Variants in RARB observed in about 807,000 individuals in gnomAD.
RARB encodes retinoic acid receptor beta, also known as HBV-activated protein.
Under a neutral mutation model 51.9 loss-of-function variants are expected in RARB, and 17 were observed. That is an observed-to-expected ratio of 0.33 (90% CI 0.22 to 0.49). RARB has a LOEUF of 0.49. RARB is among the 20% of genes least tolerant of loss of function. The pLI is 0.99. For missense variants in RARB, 369 were observed against 550.8 expected (o/e 0.67, Z 3.30); for synonymous variants, 215 against 195.4 (o/e 1.10, Z -0.84).
chr3:25,217,416 T>C (rs1182305917), intron 5 of RARB, among the ~76,000 whole-genome samples: 3 of 152,152 alleles, frequency 2.0e-5, no homozygotes, highest in Admixed American at 2.0e-4. Context: ...GGTTACATTA[T>C]AGCCAATATT....
At chr3:25,511,057 G>A (rs1264888961) in intron 3 of RARB, among the ~76,000 whole-genome samples, 5 of 152,158 alleles carry the variant, frequency 3.3e-5, no homozygotes, top group African/African-American at 7.2e-5. Context: ...TCACAATTGA[G>A]CATGGCTTTG....
chr3:25,581,888 A>G lies in RARB; in HGVS notation c.786+1166A>G, dbSNP rs556826483. 4.3e-3 allele frequency among the ~76,000 whole-genome samples: 650 copies of G among 152,210 alleles called. 4 individuals are homozygous for G. Among genetic ancestry groups the G allele is most frequent in the Middle Eastern group, 0.01 (3 of 294 alleles). ...CCTCAGACTTCCAGCCTCTAGACCT[A>G]GGAGAAGCAAATGTTGTTGTTTAAG... On this transcript the variant is annotated intron_variant, in intron 5 of 7. Transcript: ENST00000330688.
intron 2 of RARB, among the ~76,000 whole-genome samples, chr3:24,951,808 T>G (rs980910304): frequency 6.6e-6 from 1 of 152,168 alleles, no homozygotes; most frequent in African/African-American, 2.4e-5. Context: ...CAAAAATATA[T>G]TCATGATAAA....
intron 5 of RARB, among the ~76,000 whole-genome samples, chr3:25,272,363 GC>G (rs1703275068): frequency 6.6e-6 from 1 of 152,120 alleles, no homozygotes; most frequent in Admixed American, 6.5e-5. Flanking sequence ...ACCATTGTCT[GC>G]CTGCCAAACA....
chr3:25,124,460 C>T (rs1699831998), intron 3 of RARB, among the ~76,000 whole-genome samples: 1 of 152,180 alleles, frequency 6.6e-6, no homozygotes, highest in Admixed American at 6.5e-5. Flanking sequence ...AAAAAGTACA[C>T]TTACCATGTT....
At chr3:24,849,230 G>A (rs1444092538) in intron 1 of RARB, among the ~76,000 whole-genome samples, 2 of 152,164 alleles carry the variant, frequency 1.3e-5, no homozygotes, top group Non-Finnish European at 2.9e-5. Context: ...TAAAGTAAAT[G>A]TAGTCTCTCT....
At chr3:25,166,635 C>T (rs187306099) in intron 4 of RARB, among the ~76,000 whole-genome samples, 2 of 152,284 alleles carry the variant, frequency 1.3e-5, no homozygotes, top group African/African-American at 2.4e-5. Flanking sequence ...GCCACATCAG[C>T]CACATTGTGA....
chr3:25,141,948 A>G (rs1700114025), intron 4 of RARB, among the ~76,000 whole-genome samples: 1 of 152,254 alleles, frequency 6.6e-6, no homozygotes, highest in South Asian at 2.1e-4. Flanking sequence ...AATACTCATG[A>G]CATCCATGTG....
chr3:25,099,571 A>T (rs1168218547), intron 3 of RARB, among the ~76,000 whole-genome samples: 1 of 150,606 alleles, frequency 6.6e-6, no homozygotes, highest in Admixed American at 6.7e-5. Context: ...TTGTTCCATT[A>T]CTGTCAATTT....
rs775468564 is a variant in RARB at position 25,336,392 on chromosome 3, G to T, written c.179-124801G>T. ...TACTTACTATTTTCTAATATTTTAGGTGCTTTTAGAGTTCAAGGCACTTGT... is the reference window on the plus strand; with the variant it reads ...TACTTACTATTTTCTAATATTTTAGTTGCTTTTAGAGTTCAAGGCACTTGT... On this transcript the variant is annotated intron_variant, in intron 5 of 11. Transcript: ENST00000383772. Among the ~76,000 whole-genome samples the T allele has an allele frequency of 1.1e-3, 161 of 152,072 alleles. 1 individual carries two copies. Among genetic ancestry groups the T allele is most frequent in the Non-Finnish European group, 1.9e-3 (129 of 67,966 alleles).
At chr3:25,249,826 T>A (rs182545127) in intron 5 of RARB, among the ~76,000 whole-genome samples, 2 of 61,636 alleles carry the variant, frequency 3.2e-5, no homozygotes, top group East Asian at 3.6e-4. Flanking sequence ...GGTAAGTCAG[T>A]CCTGGGGCCC....
intron 5 of RARB, among the ~76,000 whole-genome samples, chr3:25,273,762 T>C (rs1703308991): frequency 6.6e-6 from 1 of 152,242 alleles, no homozygotes; most frequent in African/African-American, 2.4e-5. Flanking sequence ...AGCTGGCACT[T>C]GACTCCACTG....
chr3:25,284,855 T>C (rs1170293009), intron 5 of RARB, among the ~76,000 whole-genome samples: 1 of 152,168 alleles, frequency 6.6e-6, no homozygotes, highest in Non-Finnish European at 1.5e-5. Context: ...ATTTTGTATA[T>C]GTGGGTTCCA....
At chr3:25,337,029 C>T (rs1193613701) in intron 5 of RARB, among the ~76,000 whole-genome samples, 1 of 152,158 alleles carries the variant, frequency 6.6e-6, no homozygotes, top group East Asian at 1.9e-4. Context: ...TCGCTGCCCT[C>T]ACAGAAATTA....
chr3:25,192,793 G>A (rs1207925451), intron 5 of RARB, among the ~76,000 whole-genome samples: 1 of 151,924 alleles, frequency 6.6e-6, no homozygotes, highest in Non-Finnish European at 1.5e-5. Context: ...AAAAACACAA[G>A]CATCTTTAGA....
intron 4 of RARB, among the ~76,000 whole-genome samples, chr3:25,165,345 T>C (rs927881828): frequency 2.0e-5 from 3 of 152,202 alleles, no homozygotes; most frequent in Non-Finnish European, 4.4e-5. Context: ...TTTCCATTTC[T>C]ATGCCAGTCT....
intron 2 of RARB, among the ~76,000 whole-genome samples, chr3:24,901,501 T>C (rs761710506): frequency 2.0e-5 from 3 of 152,188 alleles, no homozygotes; most frequent in Non-Finnish European, 4.4e-5. Context: ...TCAACCTCTC[T>C]ACTAGCTGGG....
intron 2 of RARB, among the ~76,000 whole-genome samples, chr3:24,961,469 A>G (rs564122837): frequency 2.0e-5 from 3 of 152,372 alleles, no homozygotes; most frequent in Admixed American, 2.0e-4. Context: ...TGTTCTCTGT[A>G]TCTGAGAGAG....
intron 2 of RARB, among the ~76,000 whole-genome samples, chr3:25,046,834 T>C (rs1254596299): frequency 6.6e-6 from 1 of 152,196 alleles, no homozygotes; most frequent in Non-Finnish European, 1.5e-5. Flanking sequence ...GAGTAAACTA[T>C]AGTAGGTGCA....
Sources: allele counts gnomAD v4.1 joint callset (sites outside exome capture counted in the v4.1 genomes callset), GRCh38; gene constraint gnomAD v4.1.1; transcripts MANE v1.5; gene names NCBI Gene and HGNC (gene_info 2026-07-23, HGNC 2026-07-21).